The following SLC12A1 variants were observed in gnomAD, a reference collection of about 807,000 sequenced individuals.
SLC12A1 encodes solute carrier family 12 member 1.
Under a neutral mutation model 130.4 loss-of-function variants are expected in SLC12A1, and 89 were observed. That is an observed-to-expected ratio of 0.68 (90% CI 0.58 to 0.81). The LOEUF (loss-of-function observed/expected upper bound fraction) is 0.81. Ranked by LOEUF, SLC12A1 falls within the 40% of genes least tolerant of loss-of-function variation. The pLI is 0.00. For synonymous variants in SLC12A1, 499 were observed against 460.0 expected, an observed-to-expected ratio of 1.08 and a Z score of -1.09; for missense variants, 1,310 against 1,336.4, an observed-to-expected ratio of 0.98 and a Z score of 0.31.
intron 20 of SLC12A1, among the ~76,000 whole-genome samples, chr15:48,281,198 T>A (rs1325852411): frequency 1.3e-5 from 2 of 152,188 alleles, no homozygotes; most frequent in Non-Finnish European, 2.9e-5. Context: ...CATTTTCCAA[T>A]GGGAATAATT....
rs1445644832 is a variant in SLC12A1 at position 48,288,536 on chromosome 15, CAT to C, written c.2873+21_2873+22del. ...AATTGTGTAAGTAGTTTGCCACTCA[CAT>C]GTTAGGTCATTTCAGAGGTTTGTTG... On this transcript the variant is annotated intron_variant, in intron 23 of 26. Transcript: ENST00000380993. The C allele has an allele frequency of 2.8e-6, 3 of 1,080,826 alleles. No individual in the cohort carries two copies. Among genetic ancestry groups the C allele is most frequent in the East Asian group, 5.1e-5 (2 of 38,854 alleles). 67.0% of individuals were successfully genotyped at this position (1,080,826 alleles called of 1,614,324 possible). A position where few individuals can be genotyped will look rare whatever the true frequency, so the allele number is the denominator to read the frequency against.
rs764000826 is a variant in SLC12A1, at chr15:48,247,233, T to C, written c.1561-104T>C. 49 of 1,198,266 alleles carry C rather than the reference T, an allele frequency of 4.1e-5. 1 individual carries two copies. The highest frequency in any genetic ancestry group is 5.8e-5 in the Non-Finnish European group (49 of 842,752). 74.2% of individuals were successfully genotyped at this position (1,198,266 alleles called of 1,614,324 possible). On this transcript the variant is annotated intron_variant, in intron 12 of 26. Coordinates refer to ENST00000380993, the MANE Select transcript of SLC12A1 (RefSeq NM_000338.3). ...TGCAGTGTTAACTTGTGCCTCATCT[T>C]GTGTATCACTTAATCTTTCCCCAAA...
At chr15:48,277,746 G>T (rs1184312445) in intron 20 of SLC12A1, among the ~76,000 whole-genome samples, 5 of 152,130 alleles carry the variant, frequency 3.3e-5, no homozygotes, top group Non-Finnish European at 7.4e-5. Context: ...TCTATTTGCT[G>T]GTTCATTATT....
intron 26 of SLC12A1, 120 bp downstream of exon 26, chr15:48,301,502 T>TTGGGGGGG: frequency 2.3e-6 from 1 of 429,448 alleles, no homozygotes; most frequent in Admixed American, 4.4e-5. Context: ...GTGTTTTTTT[T>TTGGGGGGG]GGGGGGGGGA....
chr15:48,285,467 T>A (rs1431109110), intron 21 of SLC12A1, among the ~76,000 whole-genome samples: 4 of 152,236 alleles, frequency 2.6e-5, no homozygotes, highest in African/African-American at 9.6e-5. Flanking sequence ...TCAAAAATTA[T>A]TTTTTAAATG....
At chr15:48,279,266 T>C (rs1004926839) in intron 20 of SLC12A1, among the ~76,000 whole-genome samples, 1 of 152,230 alleles carries the variant, frequency 6.6e-6, no homozygotes, top group African/African-American at 2.4e-5. Context: ...ATTCAGGGCC[T>C]AATAAGGGCC....
At chr15:48,209,541 G>C (rs532233075) in intron 2 of SLC12A1, among the ~76,000 whole-genome samples, 34 of 152,264 alleles carry the variant, frequency 2.2e-4, no homozygotes, top group Admixed American at 4.6e-4. Flanking sequence ...GTTTACTCTT[G>C]CCCAAGTTTT....
chr15:48,292,810 A>G (rs974401867), intron 24 of SLC12A1, among the ~76,000 whole-genome samples: 10 of 152,226 alleles, frequency 6.6e-5, no homozygotes, highest in Admixed American at 5.2e-4. Context: ...ATTACCACCC[A>G]GAGGCTTCAC....
chr15:48,249,438 G>T, intron 13 of SLC12A1, 137 bp from the exon 14 acceptor site: 1 of 699,498 alleles, frequency 1.4e-6, no homozygotes, highest in South Asian at 1.7e-5. Context: ...AAAGAAAAAT[G>T]ACTAACTTCT....
In SLC12A1 at chr15:48,252,493, C is replaced by T. The variant is rs560299495; in HGVS notation, c.1942+723C>T. ...ATAGTCCCTGTCCTCAAGGAGTTCA[C>T]AGAGTCACACTTAAGGAATTAATTA... On this transcript the variant is annotated intron_variant, in intron 15 of 26. Transcript: ENST00000380993. 5.3e-5 allele frequency among the ~76,000 whole-genome samples: 8 copies of T among 152,230 alleles called. No individual in the cohort carries two copies. The South Asian group carries it at 1.7e-3, about 32-fold the overall frequency.
chr15:48,254,523 G>A (rs532025056), intron 15 of SLC12A1, among the ~76,000 whole-genome samples: 7 of 131,772 alleles, frequency 5.3e-5, no homozygotes, highest in Admixed American at 3.5e-4. Context: ...CATCTGGGGT[G>A]TATCTGTACA....
At chr15:48,300,620 A>G (rs2042223482) in intron 25 of SLC12A1, among the ~76,000 whole-genome samples, 1 of 152,262 alleles carries the variant, frequency 6.6e-6, no homozygotes, top group Non-Finnish European at 1.5e-5. Flanking sequence ...AACTAGAATT[A>G]TAAAGTCTGT....
intron 19 of SLC12A1, among the ~76,000 whole-genome samples, chr15:48,273,997 T>G (rs771439605): frequency 6.6e-5 from 10 of 152,206 alleles, no homozygotes; most frequent in Non-Finnish European, 1.3e-4. Flanking sequence ...CTAGGTAATT[T>G]AATTCCTTTG....
At chr15:48,247,051 T>C (rs1337998929) in intron 12 of SLC12A1, 35 bp downstream of exon 12, 8 of 1,455,886 alleles carry the variant, frequency 5.5e-6, no homozygotes, top group Non-Finnish European at 5.8e-6. Flanking sequence ...CTTCTCCCTA[T>C]TGCTATTTCC....
intron 7 of SLC12A1, among the ~76,000 whole-genome samples, chr15:48,232,237 C>T (rs1413256887): frequency 6.6e-6 from 1 of 152,228 alleles, no homozygotes; most frequent in Non-Finnish European, 1.5e-5. Context: ...ACTTTGCAGA[C>T]TGCTTGTGCT....
At chr15:48,235,247 T>C (rs2041427126) in intron 9 of SLC12A1, 1 of 491,566 alleles carries the variant, frequency 2.0e-6, no homozygotes, top group East Asian at 3.4e-5. Flanking sequence ...TGATAGTGTG[T>C]CATATTTCCC....
chr15:48,280,247 T>G (rs1370085949), intron 20 of SLC12A1, among the ~76,000 whole-genome samples: 1 of 151,610 alleles, frequency 6.6e-6, no homozygotes, highest in Non-Finnish European at 1.5e-5. Flanking sequence ...AAATAATCAC[T>G]CCAACTGGGT....
In SLC12A1 at chr15:48,303,238, A is replaced by C; in HGVS notation, c.*353A>C. 6.0e-6 allele frequency: 1 copy of C among 168,066 alleles called. No homozygotes were observed. The highest frequency in any genetic ancestry group is 1.3e-5 in the Non-Finnish European group (1 of 78,878). 10.4% of individuals were successfully genotyped at this position (168,066 alleles called of 1,614,324 possible). A position where few individuals can be genotyped will look rare whatever the true frequency, so the allele number is the denominator to read the frequency against. On this transcript the variant is annotated 3_prime_UTR_variant, in exon 27 of 27. Transcript: ENST00000380993. ...TTTTGTTTCTTAATTTTTTGTTTTG[A>C]GTGTTTGCTTCTCAGCCCTGGTATA...
chr15:48,255,868 C>G lies in SLC12A1; in HGVS notation c.2000C>G (p.Ala667Gly). 1 of 1,606,628 alleles carries G rather than the reference C, an allele frequency of 6.2e-7. No homozygotes were observed. Among genetic ancestry groups the G allele is most frequent in the Non-Finnish European group, 8.5e-7 (1 of 1,176,440 alleles). The part of the protein sequence containing the change: ...ALSYVSALDN[A>G]LELTTVEDHV... ...TCCTACGTGAGTGCTTTAGACAATG[C>G]TCTGGAATTAACCACAGTGGAAGAC... The change falls in exon 16 of 27, where the codon GCT becomes GGT. Residue 667 changes from alanine to glycine, a missense_variant. By Grantham distance (60) the Ala-to-Gly change is moderately conservative (BLOSUM62 0). Transcript: ENST00000380993.
Sources: allele counts gnomAD v4.1 joint callset (sites outside exome capture counted in the v4.1 genomes callset), GRCh38; gene constraint gnomAD v4.1.1; transcripts MANE v1.5; gene names NCBI Gene and HGNC (gene_info 2026-07-23, HGNC 2026-07-21).